The following SGCD variants were observed in gnomAD, a reference collection of about 807,000 sequenced individuals.
SGCD encodes the protein sarcoglycan delta.
A neutral mutation model predicts 36.6 loss-of-function variants in SGCD; 18 were observed. That is an observed-to-expected ratio of 0.49 (90% CI 0.34 to 0.73). The LOEUF (loss-of-function observed/expected upper bound fraction) is 0.73, where lower values mean the gene tolerates loss of function less well. Ranked by LOEUF, SGCD falls within the 30% of genes least tolerant of loss-of-function variation. The pLI, the probability that SGCD is intolerant of heterozygous loss-of-function variation, is 0.01. For synonymous variants in SGCD, 133 were observed against 130.6 expected (o/e 1.02, Z -0.12); for missense variants, 387 against 346.7 (o/e 1.12, Z -0.92).
chr5:156,276,800 A>C (rs554741198), intron 3 of SGCD, among the ~76,000 whole-genome samples: 17 of 152,354 alleles, frequency 1.1e-4, no homozygotes, highest in Admixed American at 6.5e-4. Context: ...TGTATACATT[A>C]GCTAGCAAAA....
chr5:155,787,311 C>T, the SGCD span, among the ~76,000 whole-genome samples: 1 of 152,090 alleles, frequency 6.6e-6, no homozygotes, highest in Admixed American at 6.6e-5. Context: ...ACTGCACATG[C>T]CTCCAATCCG....
chr5:156,449,727 C>T (rs1169564353), intron 3 of SGCD, among the ~76,000 whole-genome samples: 5 of 146,388 alleles, frequency 3.4e-5, no homozygotes, highest in Non-Finnish European at 7.4e-5. Context: ...CAACAGGCAC[C>T]TGTAATCCTA....
chr5:155,755,642 G>C, the SGCD span, among the ~76,000 whole-genome samples: 2 of 152,100 alleles, frequency 1.3e-5, no homozygotes, highest in African/African-American at 2.4e-5. Flanking sequence ...ATAGTTTCCT[G>C]GGCATGCCCC....
At chr5:156,571,415 T>C (rs932025743) in intron 4 of SGCD, among the ~76,000 whole-genome samples, 3 of 152,138 alleles carry the variant, frequency 2.0e-5, no homozygotes, top group African/African-American at 7.2e-5. Flanking sequence ...TTATTCCCTC[T>C]CTTTATGTTC....
chr5:156,349,441 T>C (rs1455749747), intron 3 of SGCD, among the ~76,000 whole-genome samples: 1 of 151,498 alleles, frequency 6.6e-6, no homozygotes, highest in African/African-American at 2.4e-5. Context: ...GCAAATGGCA[T>C]GAATAGAAAT....
At chr5:156,422,132 A>G (rs1410321038) in intron 3 of SGCD, among the ~76,000 whole-genome samples, 1 of 151,944 alleles carries the variant, frequency 6.6e-6, no homozygotes, top group East Asian at 1.9e-4. Context: ...TCCCATTCCA[A>G]TTGCTTTTTG....
intron 1 of SGCD, among the ~76,000 whole-genome samples, chr5:156,083,712 T>C (rs893737047): frequency 1.3e-5 from 2 of 152,036 alleles, no homozygotes; most frequent in African/African-American, 4.8e-5. Context: ...TTACAGTTTA[T>C]ATTTTTCATT....
At chr5:156,468,389 G>T (rs907251166) in intron 3 of SGCD, among the ~76,000 whole-genome samples, 4 of 149,858 alleles carry the variant, frequency 2.7e-5, no homozygotes, top group Non-Finnish European at 4.4e-5. Context: ...TGGCCACTAA[G>T]AGGATTGCAT....
intron 1 of SGCD, among the ~76,000 whole-genome samples, chr5:156,042,117 A>T (rs1759649789): frequency 6.6e-6 from 1 of 152,152 alleles, no homozygotes. Flanking sequence ...CTGCACAAGT[A>T]GACTGTTTCC....
At chr5:156,665,382 A>G (rs1165456163) in intron 7 of SGCD, among the ~76,000 whole-genome samples, 2 of 152,276 alleles carry the variant, frequency 1.3e-5, no homozygotes, top group African/African-American at 4.8e-5. Context: ...CATATTCGCA[A>G]TGTAAACTTT....
chr5:156,206,575 T>G (rs550437989), intron 3 of SGCD, among the ~76,000 whole-genome samples: 2 of 152,192 alleles, frequency 1.3e-5, no homozygotes, highest in Non-Finnish European at 2.9e-5. Flanking sequence ...GTAAACTTTA[T>G]TATTAATTAA....
At position 156,329,570 on chromosome 5, in the gene SGCD, G is replaced by C. The variant is rs1767967794; in HGVS notation, c.-7G>C. ...CCGGGAGTGTTGAGTGAAGGGACCA[G>C]GTGGAGATGGTGAGTAATTCCCGGG... On this transcript the variant is annotated 5_prime_UTR_variant, in exon 2 of 9. Coordinates refer to ENST00000337851, the MANE Select transcript of SGCD (RefSeq NM_000337.6). The C allele has an allele frequency of 6.2e-7, 1 of 1,613,174 alleles. No homozygotes were observed. The highest frequency in any genetic ancestry group is 1.7e-5 in the Admixed American group (1 of 59,982).
chr5:156,732,160 G>A (rs1370786725), intron 7 of SGCD, among the ~76,000 whole-genome samples: 2 of 152,058 alleles, frequency 1.3e-5, no homozygotes, highest in Non-Finnish European at 2.9e-5. Context: ...ATACCCAGGT[G>A]AGAACTTCCA....
At chr5:155,889,356 A>T (rs1290598170) in intron 1 of SGCD, among the ~76,000 whole-genome samples, 1 of 152,102 alleles carries the variant, frequency 6.6e-6, no homozygotes, top group Admixed American at 6.5e-5. Context: ...TAAAAAGGAG[A>T]CCTACTCTTG....
the SGCD span, among the ~76,000 whole-genome samples, chr5:155,820,756 T>C: frequency 6.6e-6 from 1 of 152,144 alleles, no homozygotes; most frequent in Non-Finnish European, 1.5e-5. Flanking sequence ...ACTTATTAAC[T>C]GCCCTACAGA....
intron 3 of SGCD, among the ~76,000 whole-genome samples, chr5:156,179,852 C>T (rs940837994): frequency 2.0e-5 from 3 of 152,070 alleles, no homozygotes; most frequent in South Asian, 2.1e-4. Context: ...TCGAATTCCT[C>T]ACCTCAAGTG....
chr5:156,561,747 G>GT (rs144536222), intron 4 of SGCD, among the ~76,000 whole-genome samples: 16,245 of 151,922 alleles, frequency 0.11, 1,135 homozygotes, highest in Admixed American at 0.16. Context: ...ACATAGTTAG[G>GT]TTTTTTTTAT....
At chr5:156,113,855 A>G (rs1007508908) in intron 1 of SGCD, among the ~76,000 whole-genome samples, 6 of 152,192 alleles carry the variant, frequency 3.9e-5, no homozygotes, top group African/African-American at 1.2e-4. Flanking sequence ...ATCAAGCCAT[A>G]AAAGTACATG....
At chr5:156,522,153 T>C (rs1454013586) in intron 4 of SGCD, among the ~76,000 whole-genome samples, 1 of 151,792 alleles carries the variant, frequency 6.6e-6, no homozygotes, top group Non-Finnish European at 1.5e-5. Flanking sequence ...TGAGAACACC[T>C]GGACACAGGG....
Sources: allele counts gnomAD v4.1 joint callset (sites outside exome capture counted in the v4.1 genomes callset), GRCh38; gene constraint gnomAD v4.1.1; transcripts MANE v1.5; gene names NCBI Gene and HGNC (gene_info 2026-07-23, HGNC 2026-07-21).